Variants in EXOC6B observed in about 807,000 individuals in gnomAD.
EXOC6B encodes the protein SEC15 homolog B.
In EXOC6B, 54 loss-of-function variants were observed where a neutral mutation model predicts 113.5. The ratio of observed to expected loss-of-function variants is 0.48; its 90% CI spans 0.38 to 0.60. The LOEUF (loss-of-function observed/expected upper bound fraction) is 0.60, where lower values mean the gene tolerates loss of function less well. EXOC6B is among the 20% of genes least tolerant of loss of function. The pLI is 0.00. For synonymous variants in EXOC6B, 357 were observed against 339.0 expected (o/e 1.05, Z -0.58); for missense variants, 797 against 977.5 (o/e 0.82, Z 2.46).
At chr2:72,773,852 G>A (rs1346286829) in intron 1 of EXOC6B, among the ~76,000 whole-genome samples, 1 of 152,036 alleles carries the variant, frequency 6.6e-6, no homozygotes, top group African/African-American at 2.4e-5. Flanking sequence ...CACAATACAT[G>A]TAACTGGAAA....
chr2:72,543,504 G>A (rs1171071198), intron 8 of EXOC6B, among the ~76,000 whole-genome samples: 3 of 152,060 alleles, frequency 2.0e-5, no homozygotes, highest in African/African-American at 7.3e-5. Flanking sequence ...AAAAATGAAT[G>A]CAAGCATGTC....
intron 11 of EXOC6B, among the ~76,000 whole-genome samples, chr2:72,502,219 T>C (rs1406405692): frequency 1.3e-5 from 2 of 152,268 alleles, no homozygotes; most frequent in African/African-American, 2.4e-5. Context: ...GATTTTGTTT[T>C]TATTTTTTGA....
intron 6 of EXOC6B, among the ~76,000 whole-genome samples, chr2:72,585,851 C>T (rs958168962): frequency 4.6e-5 from 7 of 152,130 alleles, no homozygotes; most frequent in East Asian, 1.9e-4. Flanking sequence ...TGTATTCATA[C>T]CCAAATTCTA....
intron 20 of EXOC6B, among the ~76,000 whole-genome samples, chr2:72,325,518 G>C (rs1197463059): frequency 6.6e-6 from 1 of 151,814 alleles, no homozygotes; most frequent in South Asian, 2.1e-4. Context: ...CTACCCAAAA[G>C]GTTGTCAGAA....
chr2:72,646,812 G>C, intron 6 of EXOC6B, among the ~76,000 whole-genome samples: 1 of 152,036 alleles, frequency 6.6e-6, no homozygotes. Flanking sequence ...AAAATAATAA[G>C]AGCTATTTAT....
intron 6 of EXOC6B, among the ~76,000 whole-genome samples, chr2:72,582,347 A>T (rs1273548219): frequency 6.6e-6 from 1 of 151,892 alleles, no homozygotes; most frequent in East Asian, 1.9e-4. Flanking sequence ...CTCCATCTCT[A>T]ACCATAAAAA....
chr2:72,663,909 T>A (rs1168674068), intron 6 of EXOC6B, among the ~76,000 whole-genome samples: 1 of 152,128 alleles, frequency 6.6e-6, no homozygotes, highest in Non-Finnish European at 1.5e-5. Flanking sequence ...ATTACACTAA[T>A]GCATGATGTT....
chr2:72,658,286 T>TAAAAAAAAAAAAAAAAAAAAAGA (rs1674744772), intron 6 of EXOC6B, among the ~76,000 whole-genome samples: 1 of 58,726 alleles, frequency 1.7e-5, no homozygotes, highest in Non-Finnish European at 3.1e-5. Flanking sequence ...TAAAAACTAG[T>TAAAAAAAAAAAAAAAAAAAAAGA]AAAAAAAAAA....
In EXOC6B at chr2:72,322,618, C is replaced by T. The variant is rs142429780; in HGVS notation, c.2196+12329G>A. Among the ~76,000 whole-genome samples, 729 of 152,200 alleles carry T rather than the reference C, an allele frequency of 4.8e-3. 8 individuals carry two copies. The highest frequency in any genetic ancestry group is 0.016 in the African/African-American group (677 of 41,520). On this transcript the variant is annotated intron_variant, in intron 20 of 21. Coordinates refer to ENST00000272427, the MANE Select transcript of EXOC6B (RefSeq NM_015189.3). ...AAAATGTTTAAGATAACCAAAACAG[C>T]ATGGTACTGGTACCAAAACAGATAT... is the stretch of plus-strand genomic sequence containing the variant.
intron 20 of EXOC6B, among the ~76,000 whole-genome samples, chr2:72,326,492 A>G (rs891966071): frequency 6.6e-6 from 1 of 151,970 alleles, no homozygotes; most frequent in Non-Finnish European, 1.5e-5. Context: ...GGACTAAGGT[A>G]GCAATTGCTA....
At chr2:72,407,726 A>G (rs989073895) in intron 18 of EXOC6B, among the ~76,000 whole-genome samples, 1 of 152,056 alleles carries the variant, frequency 6.6e-6, no homozygotes, top group Non-Finnish European at 1.5e-5. Flanking sequence ...AAAATAATAA[A>G]AGCTATCTAT....
chr2:72,798,221 C>T (rs1253829129), intron 1 of EXOC6B, among the ~76,000 whole-genome samples: 1 of 151,948 alleles, frequency 6.6e-6, no homozygotes, highest in African/African-American at 2.4e-5. Context: ...GAAGATTTAC[C>T]TCTTGCAAAA....
At chr2:72,813,514 C>G (rs1686037256) in intron 1 of EXOC6B, among the ~76,000 whole-genome samples, 1 of 152,172 alleles carries the variant, frequency 6.6e-6, no homozygotes, top group Non-Finnish European at 1.5e-5. Context: ...ATTTTTGCTA[C>G]TCCAATGCCA....
intron 1 of EXOC6B, among the ~76,000 whole-genome samples, chr2:72,766,379 C>T (rs766017566): frequency 3.3e-5 from 5 of 152,086 alleles, no homozygotes; most frequent in Non-Finnish European, 7.4e-5. Context: ...TCCAAAATTA[C>T]CAAGTGTGCC....
chr2:72,742,957 C>T (rs1245974714), intron 1 of EXOC6B, among the ~76,000 whole-genome samples: 1 of 152,260 alleles, frequency 6.6e-6, no homozygotes, highest in Middle Eastern at 3.4e-3. Flanking sequence ...GTATTTATTA[C>T]TAATGTATCT....
At chr2:72,183,479 G>T (rs1225978424) in intron 21 of EXOC6B, among the ~76,000 whole-genome samples, 1 of 152,152 alleles carries the variant, frequency 6.6e-6, no homozygotes, top group Non-Finnish European at 1.5e-5. Flanking sequence ...CAGCTCTGTG[G>T]CAGGGAACCC....
At chr2:72,274,260 A>G (rs1003601764) in intron 20 of EXOC6B, among the ~76,000 whole-genome samples, 3 of 152,200 alleles carry the variant, frequency 2.0e-5, no homozygotes, top group Admixed American at 2.0e-4. Flanking sequence ...GAAGTCCAAC[A>G]AAATCTAAAC....
At chr2:72,661,188 C>G (rs931626333) in intron 6 of EXOC6B, among the ~76,000 whole-genome samples, 5 of 151,868 alleles carry the variant, frequency 3.3e-5, no homozygotes, top group African/African-American at 1.2e-4. Context: ...GATGAAGGGG[C>G]AATTGGAGAA....
chr2:72,681,375 C>T (rs1270634295), intron 6 of EXOC6B, among the ~76,000 whole-genome samples: 1 of 152,160 alleles, frequency 6.6e-6, no homozygotes, highest in Non-Finnish European at 1.5e-5. Flanking sequence ...AATATGGTAT[C>T]ATACTATAAT....
Sources: allele counts gnomAD v4.1 joint callset (sites outside exome capture counted in the v4.1 genomes callset), GRCh38; gene constraint gnomAD v4.1.1; transcripts MANE v1.5; gene names NCBI Gene and HGNC (gene_info 2026-07-23, HGNC 2026-07-21).